Variants in BIRC6 observed in about 807,000 individuals in gnomAD.
BIRC6 encodes baculoviral IAP repeat containing 6.
BIRC6 carries 98 observed loss-of-function variants against 503.3 expected under a neutral mutation model. The observed-to-expected ratio is 0.19, with a 90% CI of 0.17 to 0.23. The LOEUF (loss-of-function observed/expected upper bound fraction) is 0.23, where lower values mean the gene tolerates loss of function less well. BIRC6 is among the 10% of genes least tolerant of loss of function. The pLI is 1.00. For synonymous variants in BIRC6, 2,240 were observed against 2,078.7 expected, an observed-to-expected ratio of 1.08 and a Z score of -2.11; for missense variants, 5,360 against 5,806.0, an observed-to-expected ratio of 0.92 and a Z score of 2.50.
chr2:32,499,035 G>T (rs969814490), intron 45 of BIRC6, among the ~76,000 whole-genome samples: 13 of 152,126 alleles, frequency 8.5e-5, no homozygotes, highest in African/African-American at 3.1e-4. Flanking sequence ...CCTTTTTCTT[G>T]CTGTTAGACT....
At position 32,480,621 on chromosome 2, in the gene BIRC6, C is replaced by CTTTTTT. The variant is rs560251664; in HGVS notation, c.7409-667_7409-662dup. Among the ~76,000 whole-genome samples the CTTTTTT allele has an allele frequency of 1.2e-4, 7 of 60,742 alleles. 1 individual carries two copies. The highest frequency in any genetic ancestry group is 2.1e-4 in the African/African-American group (3 of 13,992). The allele number at this position is 60,742 out of a possible 152,430, so 39.8% of individuals were successfully genotyped here. A position where few individuals can be genotyped will look rare whatever the true frequency, so the allele number is the denominator to read the frequency against. On this transcript the variant is annotated intron_variant, in intron 37 of 73. Transcript: ENST00000421745. ...CATAACAGAAAAATAAGGTAAATGG[C>CTTTTTT]TTTTTTTTTTTTTTTTTTTTTTTTT...
intron 5 of BIRC6, among the ~76,000 whole-genome samples, chr2:32,393,853 G>A (rs1343537541): frequency 1.3e-5 from 2 of 151,902 alleles, no homozygotes; most frequent in African/African-American, 2.4e-5. Context: ...TTTGAAGTAC[G>A]TTAAAGTAAC....
intron 11 of BIRC6, 36 bp downstream of exon 11, chr2:32,429,331 G>A: frequency 7.2e-7 from 1 of 1,381,084 alleles, no homozygotes; most frequent in Non-Finnish European, 9.6e-7. Context: ...TTTAAAAAAA[G>A]AATAGGTAGT....
intron 21 of BIRC6, among the ~76,000 whole-genome samples, chr2:32,446,530 A>G (rs1051940489): frequency 2.6e-5 from 4 of 152,114 alleles, no homozygotes; most frequent in African/African-American, 9.7e-5. Flanking sequence ...ACTTGAGGCT[A>G]TGTCGTAATG....
chr2:32,405,614 T>C (rs1259107414), intron 8 of BIRC6, among the ~76,000 whole-genome samples: 1 of 152,098 alleles, frequency 6.6e-6, no homozygotes, highest in Non-Finnish European at 1.5e-5. Context: ...AGACAAGACT[T>C]TGTCTTGTCT....
chr2:32,375,957 G>A (rs1003331941), intron 1 of BIRC6, among the ~76,000 whole-genome samples: 2 of 151,954 alleles, frequency 1.3e-5, no homozygotes, highest in Non-Finnish European at 2.9e-5. Context: ...AGGCCCAGGC[G>A]GGCAGATCAG....
At chr2:32,543,587 G>A (rs747976439) in intron 62 of BIRC6, 46 bp downstream of exon 62, 52 of 1,549,746 alleles carry the variant, frequency 3.4e-5, no homozygotes, top group Middle Eastern at 3.5e-4. Flanking sequence ...TGAATAGGTT[G>A]TGTAAAGGTA....
chr2:32,512,541 G>GT (rs1371375602), intron 53 of BIRC6, among the ~76,000 whole-genome samples: 34 of 152,168 alleles, frequency 2.2e-4, no homozygotes, highest in African/African-American at 7.7e-4. Flanking sequence ...AAAAAAATAT[G>GT]TAAGTGTTGA....
intron 64 of BIRC6, 51 bp downstream of exon 64, chr2:32,548,065 T>C: frequency 6.9e-7 from 1 of 1,439,870 alleles, no homozygotes; most frequent in Non-Finnish European, 9.2e-7. Flanking sequence ...TTTTTTGTAT[T>C]TATTATTTTA....
In BIRC6 at chr2:32,618,049, G is replaced by T. The variant is rs1331182935; in HGVS notation, c.*145G>T. 3.7e-6 allele frequency: 3 copies of T among 818,980 alleles called. No homozygotes were observed. Among genetic ancestry groups the T allele is most frequent in the African/African-American group, 3.4e-5 (2 of 58,322 alleles). The allele number at this position is 818,980 out of a possible 1,614,324, so 50.7% of individuals were successfully genotyped here. ...CTTAAGGAGATCCAGTTTAATTCAA[G>T]GTGATCTTTTATTTACCTGTACAGG... is the stretch of plus-strand genomic sequence containing the variant. On this transcript the variant is annotated 3_prime_UTR_variant, in exon 74 of 74. Transcript: ENST00000421745.
chr2:32,432,526 G>A (rs976511890), intron 12 of BIRC6, among the ~76,000 whole-genome samples: 17 of 152,150 alleles, frequency 1.1e-4, no homozygotes, highest in African/African-American at 2.7e-4. Context: ...GGAGACTGAC[G>A]CAGGAGGATC....
At position 32,596,459 on chromosome 2, in the gene BIRC6, T is replaced by C. The variant is rs1326063817; in HGVS notation, c.13613-1292T>C. On this transcript the variant is annotated intron_variant, in intron 68 of 73. Transcript: ENST00000421745. ...ACTCCAGTCTGGGCGACAGAGCAAGTCTCCATCTCAAAAAAAAAAAAAAAA... is the reference window on the plus strand; with the variant it reads ...ACTCCAGTCTGGGCGACAGAGCAAGCCTCCATCTCAAAAAAAAAAAAAAAA... Among the ~76,000 whole-genome samples the C allele has an allele frequency of 1.6e-4, 18 of 112,658 alleles. No individual in the cohort carries two copies. The Admixed American group carries it at 2.0e-3, about 12-fold the overall frequency. 73.9% of individuals were successfully genotyped at this position (112,658 alleles called of 152,430 possible).
At chr2:32,531,926 T>C (rs2056794339) in intron 61 of BIRC6, among the ~76,000 whole-genome samples, 1 of 152,372 alleles carries the variant, frequency 6.6e-6, no homozygotes, top group Middle Eastern at 3.4e-3. Context: ...TCTTTTTGTT[T>C]ACCTTTTATT....
In BIRC6 at chr2:32,461,952, G is replaced by C. The variant is rs1431491983; in HGVS notation, c.4754-1242G>C. Reference sequence around the variant, plus strand: ...ATGCTTAACACTATGCCCTTCATTGGCTTTGGCTTCACATACGCTTTGGTT... The same window carrying C: ...ATGCTTAACACTATGCCCTTCATTGCCTTTGGCTTCACATACGCTTTGGTT... On this transcript the variant is annotated intron_variant, in intron 23 of 73. Coordinates refer to ENST00000421745, the MANE Select transcript of BIRC6 (RefSeq NM_016252.4). 2.0e-5 allele frequency among the ~76,000 whole-genome samples: 3 copies of C among 152,004 alleles called. No individual in the cohort carries two copies. In the Middle Eastern group the frequency reaches 0.01, roughly 517 times the overall value.
intron 66 of BIRC6, among the ~76,000 whole-genome samples, chr2:32,584,645 T>C (rs1418505570): frequency 6.6e-6 from 1 of 152,250 alleles, no homozygotes; most frequent in African/African-American, 2.4e-5. Flanking sequence ...TTTTTAATAA[T>C]AGTTTGAATG....
At chr2:32,378,719 A>G (rs1032883004) in intron 2 of BIRC6, among the ~76,000 whole-genome samples, 5 of 152,166 alleles carry the variant, frequency 3.3e-5, no homozygotes, top group Admixed American at 3.3e-4. Context: ...AGCCTCCCAA[A>G]GTGCTGGGAT....
chr2:32,423,176 C>T (rs925975270), intron 10 of BIRC6, among the ~76,000 whole-genome samples: 1 of 152,202 alleles, frequency 6.6e-6, no homozygotes, highest in African/African-American at 2.4e-5. Context: ...GTGCTCCGCC[C>T]GCCTTGGCCT....
chr2:32,385,064 A>G (rs1184593209), intron 3 of BIRC6, among the ~76,000 whole-genome samples: 2 of 152,190 alleles, frequency 1.3e-5, no homozygotes, highest in Non-Finnish European at 2.9e-5. Context: ...CTCTAAATCC[A>G]TACAAGAACA....
At chr2:32,561,825 C>T (rs1167154562) in intron 65 of BIRC6, among the ~76,000 whole-genome samples, 1 of 150,342 alleles carries the variant, frequency 6.7e-6, no homozygotes, top group South Asian at 2.1e-4. Context: ...GGGCGGATCA[C>T]GAGGTCAGGA....
Sources: gnomAD v4.1 joint callset for allele counts (sites outside exome capture counted in the v4.1 genomes callset) on GRCh38, gnomAD v4.1.1 for gene constraint, MANE v1.5 for transcripts, NCBI Gene and HGNC (gene_info 2026-07-23, HGNC 2026-07-21) for gene names.